Variants in GOT1 observed in about 807,000 individuals in gnomAD.
The protein encoded by GOT1 is aspartate aminotransferase, cytoplasmic.
GOT1 carries 25 observed loss-of-function variants against 48.2 expected under a neutral mutation model. The ratio of observed to expected loss-of-function variants is 0.52; its 90% CI spans 0.38 to 0.72. The LOEUF (loss-of-function observed/expected upper bound fraction) is 0.72, where lower values mean the gene tolerates loss of function less well. GOT1 is among the 30% of genes least tolerant of loss of function. The probability of loss-of-function intolerance (pLI) is 0.00; values close to 1 mark genes in which losing one functional copy is unlikely to be tolerated. For synonymous variants in GOT1, 188 were observed against 193.8 expected (o/e 0.97, Z 0.25); for missense variants, 380 against 520.1 (o/e 0.73, Z 2.62).
chr10:99,403,785 A>G lies in GOT1; in HGVS notation c.732T>C (p.Phe244=). Residue 244 remains phenylalanine (F), a synonymous_variant, in exon 6 of 9, where the codon TTT becomes TTC. Transcript: ENST00000370508. ...LERDAWAIRY[F]VSEGFEFFCA... ...AGAAGAACTCGAAGCCTTCAGACACAAAATAGCGAATGGCCCAGGCATCTC... is the reference window on the plus strand; with the variant it reads ...AGAAGAACTCGAAGCCTTCAGACACGAAATAGCGAATGGCCCAGGCATCTC... 1.2e-6 allele frequency: 2 copies of G among 1,614,186 alleles called. No homozygotes were observed. Among genetic ancestry groups the G allele is most frequent in the Non-Finnish European group, 1.7e-6 (2 of 1,180,024 alleles).
chr10:99,404,778 C>T (rs2032731330), intron 5 of GOT1, among the ~76,000 whole-genome samples: 1 of 152,158 alleles, frequency 6.6e-6, no homozygotes, highest in Admixed American at 6.5e-5. Flanking sequence ...CAAGCCTCAG[C>T]ACAGACCCTG....
At chr10:99,424,962 C>T (rs1181541655) in intron 1 of GOT1, among the ~76,000 whole-genome samples, 1 of 152,192 alleles carries the variant, frequency 6.6e-6, no homozygotes, top group Non-Finnish European at 1.5e-5. Context: ...TTGAGTTTCT[C>T]ATTCACTCTT....
At chr10:99,405,967 G>A (rs1589936240) in intron 4 of GOT1, 107 bp from the exon 5 acceptor site, 1 of 806,430 alleles carries the variant, frequency 1.2e-6, no homozygotes, top group Admixed American at 1.8e-5. Flanking sequence ...CCATATTCTT[G>A]TCACTCTTTC....
chr10:99,418,334 C>T (rs2032923810), intron 2 of GOT1, among the ~76,000 whole-genome samples: 1 of 152,006 alleles, frequency 6.6e-6, no homozygotes, highest in African/African-American at 2.4e-5. Context: ...GGCAGAGGAA[C>T]AGCATCTGCC....
chr10:99,414,401 A>G (rs1478347214), intron 2 of GOT1, among the ~76,000 whole-genome samples: 1 of 152,238 alleles, frequency 6.6e-6, no homozygotes, highest in Admixed American at 6.5e-5. Flanking sequence ...TATCCTAAAT[A>G]TATATGCACC....
Position 99,403,878 on chromosome 10 carries a change from C to T in GOT1, c.643-4G>A, listed in dbSNP as rs186393613. 6,853 of 1,613,108 alleles carry T rather than the reference C, an allele frequency of 4.2e-3. 30 individuals carry two copies. The highest frequency in any genetic ancestry group is 8.2e-3 in the South Asian group (744 of 91,028). On this transcript the variant is annotated splice_region_variant and splice_polypyrimidine_tract_variant and intron_variant, in intron 5 of 8. Coordinates refer to ENST00000370508, the MANE Select transcript of GOT1 (RefSeq NM_002079.3). ...AGAAGGGGAACAGAAACCGGTGCTG[C>T]GGGGAAGCAAAGTGAGTCAGGGCAG...
intron 5 of GOT1, 88 bp from the exon 6 acceptor site, chr10:99,403,962 G>T: frequency 7.8e-7 from 1 of 1,283,538 alleles, no homozygotes; most frequent in Non-Finnish European, 1.1e-6. Context: ...GATGCCTGGA[G>T]GGAATTTCAA....
At chr10:99,401,063 A>G (rs538249778) in intron 8 of GOT1, among the ~76,000 whole-genome samples, 5 of 152,344 alleles carry the variant, frequency 3.3e-5, no homozygotes, top group African/African-American at 1.2e-4. Context: ...CATTTTTCCA[A>G]TTCGTGATAT....
In GOT1 at chr10:99,396,900, A is replaced by G. The variant is rs984391297; in HGVS notation, c.*647T>C. On this transcript the variant is annotated 3_prime_UTR_variant, in exon 9 of 9. Coordinates refer to ENST00000370508, the MANE Select transcript of GOT1 (RefSeq NM_002079.3). Reference sequence around the variant, plus strand: ...ATCAACATTTTTATTTTATTTTTTTAGGTGAAGTAGAACACAATAGAATGG... The same window carrying G: ...ATCAACATTTTTATTTTATTTTTTTGGGTGAAGTAGAACACAATAGAATGG... 6.6e-6 allele frequency: 1 copy of G among 152,224 alleles called. No individual in the cohort carries two copies. The highest frequency in any genetic ancestry group is 2.4e-5 in the African/African-American group (1 of 41,460). 9.4% of individuals were successfully genotyped at this position (152,224 alleles called of 1,614,324 possible).
intron 2 of GOT1, among the ~76,000 whole-genome samples, chr10:99,413,164 C>A (rs1233235358): frequency 2.0e-5 from 3 of 152,268 alleles, no homozygotes; most frequent in African/African-American, 7.2e-5. Context: ...GAAGTTCGAA[C>A]CCATCGCAAA....
At chr10:99,415,595 G>C (rs1217284230) in intron 2 of GOT1, among the ~76,000 whole-genome samples, 2 of 152,146 alleles carry the variant, frequency 1.3e-5, no homozygotes, top group East Asian at 1.9e-4. Flanking sequence ...CATTTTATGA[G>C]GCCAGCATCA....
intron 1 of GOT1, among the ~76,000 whole-genome samples, chr10:99,429,078 C>A (rs1022885753): frequency 3.3e-5 from 5 of 150,778 alleles, no homozygotes; most frequent in African/African-American, 1.2e-4. Flanking sequence ...GAGAAAGAGT[C>A]TCGCTCTGTC....
chr10:99,427,094 T>C (rs2033048573), intron 1 of GOT1, among the ~76,000 whole-genome samples: 1 of 152,182 alleles, frequency 6.6e-6, no homozygotes, highest in South Asian at 2.1e-4. Context: ...TGATCAAAAA[T>C]AACACTTATA....
chr10:99,398,603 G>T lies in GOT1; in HGVS notation c.1103-917C>A, dbSNP rs1198598856. ...GAGAATTGCTTGAAACCCAAGAGGA[G>T]GAAGTTGCAGTGAGCCGAGATCACA... On this transcript the variant is annotated intron_variant, in intron 8 of 8. Transcript: ENST00000370508. 2.0e-5 allele frequency among the ~76,000 whole-genome samples: 3 copies of T among 151,136 alleles called. No individual in the cohort carries two copies. In the East Asian group the frequency reaches 5.9e-4, roughly 30 times the overall value.
chr10:99,416,452 C>T (rs2032895598), intron 2 of GOT1, among the ~76,000 whole-genome samples: 1 of 152,178 alleles, frequency 6.6e-6, no homozygotes, highest in South Asian at 2.1e-4. Context: ...AGGATACAAA[C>T]AAATGGAAGA....
At chr10:99,416,223 T>C (rs186484819) in intron 2 of GOT1, among the ~76,000 whole-genome samples, 4 of 152,300 alleles carry the variant, frequency 2.6e-5, no homozygotes, top group African/African-American at 9.6e-5. Flanking sequence ...CTCCTTAAGC[T>C]GATGAGCCAC....
intron 8 of GOT1, among the ~76,000 whole-genome samples, chr10:99,401,114 G>C (rs2032669330): frequency 6.6e-6 from 1 of 152,166 alleles, no homozygotes; most frequent in Non-Finnish European, 1.5e-5. Flanking sequence ...GGGAAGATAT[G>C]GATATTTTAC....
chr10:99,407,783 T>TGTTA (rs2032780469), intron 2 of GOT1, among the ~76,000 whole-genome samples: 5 of 148,688 alleles, frequency 3.4e-5, no homozygotes, highest in Admixed American at 6.7e-5. Context: ...AAAAGCCATA[T>TGTTA]TTTATTTATT....
rs1394197408 is a variant in GOT1 at position 99,430,289 on chromosome 10, C to T, written c.118+159G>A. The stretch of plus-strand genomic sequence containing the variant: ...TCCACACCTGCATCTGTAAAATGGG[C>T]AGGTTTTAGGAAGCCTTCGTGGATC... On this transcript the variant is annotated intron_variant, in intron 1 of 8. Transcript: ENST00000370508. 4 of 1,569,050 alleles carry T rather than the reference C, an allele frequency of 2.5e-6. No individual in the cohort carries two copies. The Admixed American group carries it at 5.4e-5, about 21-fold the overall frequency.
Sources: gnomAD v4.1 joint callset for allele counts (sites outside exome capture counted in the v4.1 genomes callset) on GRCh38, gnomAD v4.1.1 for gene constraint, MANE v1.5 for transcripts, NCBI Gene and HGNC (gene_info 2026-07-23, HGNC 2026-07-21) for gene names.